Variants in OSBPL6 observed in about 807,000 individuals in gnomAD.
OSBPL6 encodes oxysterol binding protein like 6, also known as oxysterol-binding protein-related protein 6.
A neutral mutation model predicts 125.8 loss-of-function variants in OSBPL6; 49 were observed. The ratio of observed to expected loss-of-function variants is 0.39; its 90% confidence interval spans 0.31 to 0.49. The LOEUF (loss-of-function observed/expected upper bound fraction) is 0.49. OSBPL6 is among the 20% of genes least tolerant of loss of function. OSBPL6 has a pLI of 0.88. For synonymous variants in OSBPL6, 394 were observed against 391.8 expected (o/e 1.01, Z -0.07); for missense variants, 986 against 1,135.4 (o/e 0.87, Z 1.89).
chr2:178,391,310 G>A, intron 22 of OSBPL6, 93 bp downstream of exon 22: 1 of 1,343,552 alleles, frequency 7.4e-7, no homozygotes, highest in Non-Finnish European at 9.9e-7. Context: ...CTCACATTAT[G>A]TTTCCTTTAA....
chr2:178,204,505 G>T (rs576928291), intron 1 of OSBPL6, among the ~76,000 whole-genome samples: 1 of 152,330 alleles, frequency 6.6e-6, no homozygotes, highest in East Asian at 1.9e-4. Flanking sequence ...TAGTAACCTA[G>T]TGTAGTCTTT....
chr2:178,373,602 T>C lies in OSBPL6; in HGVS notation c.1396-288T>C, dbSNP rs542613895. Among the ~76,000 whole-genome samples, 4 of 152,348 alleles carry C rather than the reference T, an allele frequency of 2.6e-5. No individual in the cohort carries two copies. The East Asian group carries it at 7.7e-4, about 29-fold the overall frequency. On this transcript the variant is annotated intron_variant, in intron 14 of 24. Coordinates refer to ENST00000190611, the MANE Select transcript of OSBPL6 (RefSeq NM_032523.4). ...AAGAATAAGAGAATGAAGTTGTCTC[T>C]ACAGTCAATCAGGGTATTCATAGCG...
chr2:178,355,264 CAAAA>C (rs540439592), intron 12 of OSBPL6, among the ~76,000 whole-genome samples: 1 of 151,794 alleles, frequency 6.6e-6, no homozygotes, highest in African/African-American at 2.4e-5. Context: ...GATAGAGACA[CAAAA>C]AAACCCTTCA....
intron 1 of OSBPL6, among the ~76,000 whole-genome samples, chr2:178,237,590 A>G (rs147952291): frequency 1.4e-4 from 22 of 152,204 alleles, no homozygotes; most frequent in African/African-American, 5.1e-4. Context: ...TCACCATCCA[A>G]AAATACTCAG....
At chr2:178,194,505 C>A (rs2088732060), upstream of OSBPL6, 1 of 151,954 alleles carries the variant, frequency 6.6e-6, no homozygotes, top group Admixed American at 6.6e-5. Flanking sequence ...CGGTCGCCGC[C>A]GCCGCTGTCG....
At chr2:178,253,466 T>C (rs970868356) in intron 1 of OSBPL6, among the ~76,000 whole-genome samples, 2 of 152,342 alleles carry the variant, frequency 1.3e-5, no homozygotes, top group South Asian at 2.1e-4. Context: ...ATTTTAGATA[T>C]TGACTATTAA....
chr2:178,362,126 T>C (rs1692415949), intron 13 of OSBPL6, among the ~76,000 whole-genome samples: 1 of 152,220 alleles, frequency 6.6e-6, no homozygotes, highest in African/African-American at 2.4e-5. Flanking sequence ...GAATTATGCA[T>C]TTATTTGACC....
At chr2:178,240,136 G>A (rs2091230739) in intron 1 of OSBPL6, among the ~76,000 whole-genome samples, 4 of 152,128 alleles carry the variant, frequency 2.6e-5, no homozygotes, top group Admixed American at 2.0e-4. Context: ...GAGGAGAGGC[G>A]AGAATGGGGA....
intron 8 of OSBPL6, among the ~76,000 whole-genome samples, chr2:178,335,074 G>C (rs943015310): frequency 6.6e-6 from 1 of 152,068 alleles, no homozygotes; most frequent in African/African-American, 2.4e-5. Context: ...TGTTAAATGA[G>C]AAATGTATTC....
At chr2:178,217,722 T>A (rs1259177875) in intron 1 of OSBPL6, among the ~76,000 whole-genome samples, 2 of 152,222 alleles carry the variant, frequency 1.3e-5, no homozygotes, top group Non-Finnish European at 2.9e-5. Context: ...AATCTTATTA[T>A]GCAAATAGCC....
At chr2:178,240,888 C>T (rs2091261751) in intron 1 of OSBPL6, among the ~76,000 whole-genome samples, 1 of 152,150 alleles carries the variant, frequency 6.6e-6, no homozygotes, top group Non-Finnish European at 1.5e-5. Flanking sequence ...ATTCATAGTT[C>T]TCAGATAGTA....
chr2:178,312,644 T>C (rs1021782949), intron 3 of OSBPL6, among the ~76,000 whole-genome samples: 14 of 151,640 alleles, frequency 9.2e-5, no homozygotes, highest in African/African-American at 2.9e-4. Flanking sequence ...TTAGTAGAGA[T>C]GGGGTTTCAC....
rs2090278430 is a variant in OSBPL6, at chr2:178,220,233, ATATCCTCCACCCC to A, written c.-351+25560_-351+25572del. Among the ~76,000 whole-genome samples the A allele has an allele frequency of 3.3e-5, 5 of 152,268 alleles. No individual in the cohort carries two copies. In the South Asian group the frequency reaches 1.0e-3, roughly 32 times the overall value. ...TGACTACCTTGGATTAATGGGAAGT[ATATCCTCCACCCC>A]CACCCCTGCCTTTTTTTAAGTTAAA... On this transcript the variant is annotated intron_variant, in intron 1 of 24. Coordinates refer to ENST00000190611, the MANE Select transcript of OSBPL6 (RefSeq NM_032523.4).
chr2:178,302,795 A>G lies in OSBPL6; in HGVS notation c.-155-3235A>G, dbSNP rs1291710304. Among the ~76,000 whole-genome samples the G allele has an allele frequency of 5.3e-5, 8 of 152,238 alleles. 1 individual carries two copies. The East Asian group carries it at 1.3e-3, about 26-fold the overall frequency. On this transcript the variant is annotated intron_variant, in intron 2 of 24. Transcript: ENST00000190611. ...TTAAAACAAAAATCAAGGTGTTAGC[A>G]TTGATGTTAATGAAAAAAGTACAGT...
intron 13 of OSBPL6, among the ~76,000 whole-genome samples, chr2:178,371,810 T>C (rs752141634): frequency 6.6e-6 from 1 of 152,146 alleles, no homozygotes; most frequent in Non-Finnish European, 1.5e-5. Flanking sequence ...GTAATATATA[T>C]GTAGTGGTAG....
intron 11 of OSBPL6, among the ~76,000 whole-genome samples, chr2:178,340,635 A>T (rs1690113284): frequency 6.6e-6 from 1 of 152,128 alleles, no homozygotes; most frequent in Non-Finnish European, 1.5e-5. Context: ...CTTATCCTGC[A>T]CAATCAAGAT....
intron 1 of OSBPL6, among the ~76,000 whole-genome samples, chr2:178,280,461 T>G (rs1193550472): frequency 6.6e-6 from 1 of 152,138 alleles, no homozygotes; most frequent in Non-Finnish European, 1.5e-5. Flanking sequence ...GAGTACTCAG[T>G]CCCCCTGGAG....
chr2:178,260,492 AT>A (rs2092024040), intron 1 of OSBPL6, among the ~76,000 whole-genome samples: 1 of 152,114 alleles, frequency 6.6e-6, no homozygotes, highest in Admixed American at 6.5e-5. Flanking sequence ...TTTCAGGCTC[AT>A]TCTATTTTTT....
chr2:178,296,622 C>T (rs1685777893), intron 2 of OSBPL6, among the ~76,000 whole-genome samples: 1 of 152,138 alleles, frequency 6.6e-6, no homozygotes, highest in Non-Finnish European at 1.5e-5. Flanking sequence ...CCACCATAGT[C>T]TATTTCAAGG....
Sources: gnomAD v4.1 joint callset for allele counts (sites outside exome capture counted in the v4.1 genomes callset) on GRCh38, gnomAD v4.1.1 for gene constraint, MANE v1.5 for transcripts, NCBI Gene and HGNC (gene_info 2026-07-23, HGNC 2026-07-21) for gene names.